ENOX1: variants seen among roughly 807,000 people sequenced by gnomAD.
ENOX1 encodes the protein ecto-NOX disulfide-thiol exchanger 1.
ENOX1 carries 42 observed loss-of-function variants against 82.5 expected under a neutral mutation model. The ratio of observed to expected loss-of-function variants is 0.51; its 90% CI spans 0.40 to 0.66. The LOEUF is 0.66. Ranked by LOEUF, ENOX1 falls within the 30% of genes least tolerant of loss-of-function variation. The probability of loss-of-function intolerance (pLI) is 0.00; values close to 1 mark genes in which losing one functional copy is unlikely to be tolerated. For missense variants in ENOX1, 608 were observed against 811.6 expected (o/e 0.75, Z 3.05); for synonymous variants, 271 against 282.2 (o/e 0.96, Z 0.40).
At chr13:43,700,890 A>C (rs964480476) in intron 1 of ENOX1, among the ~76,000 whole-genome samples, 1 of 152,166 alleles carries the variant, frequency 6.6e-6, no homozygotes, top group Admixed American at 6.5e-5. Flanking sequence ...CAACTCTTAT[A>C]AACTATCTCC....
intron 2 of ENOX1, among the ~76,000 whole-genome samples, chr13:43,624,648 T>A (rs970022670): frequency 2.0e-5 from 3 of 152,130 alleles, no homozygotes; most frequent in Non-Finnish European, 4.4e-5. Context: ...TTAAAGAGCA[T>A]CTTGTCTCTA....
chr13:43,631,709 T>C (rs1320018254), intron 2 of ENOX1, among the ~76,000 whole-genome samples: 2 of 152,206 alleles, frequency 1.3e-5, no homozygotes, highest in East Asian at 3.8e-4. Context: ...TTATTATTTT[T>C]TCTTTTATTC....
Position 43,339,288 on chromosome 13 carries a change from G to A in ENOX1, c.1036+5250C>T, listed in dbSNP as rs995661020. ...GGAACGGTGGCTGGAGAGCAATCTA[G>A]GCCAAACATTTGAGCCTATGGATCC... On this transcript the variant is annotated intron_variant, in intron 9 of 16. Coordinates refer to ENST00000690772, the MANE Select transcript of ENOX1 (RefSeq NM_001347969.2). Among the ~76,000 whole-genome samples the A allele has an allele frequency of 3.3e-5, 5 of 152,130 alleles. No homozygotes were observed. In the South Asian group the frequency reaches 8.3e-4, roughly 25 times the overall value.
intron 16 of ENOX1, among the ~76,000 whole-genome samples, chr13:43,216,883 C>G (rs1274812960): frequency 6.6e-6 from 1 of 152,230 alleles, no homozygotes; most frequent in Admixed American, 6.5e-5. Flanking sequence ...TGCCACCCAG[C>G]AGCCCTGCAG....
At chr13:43,437,329 A>G (rs1243412684) in intron 3 of ENOX1, among the ~76,000 whole-genome samples, 1 of 152,210 alleles carries the variant, frequency 6.6e-6, no homozygotes, top group East Asian at 1.9e-4. Flanking sequence ...ACCCAGAGCT[A>G]GCATCAGACA....
At chr13:43,446,974 T>C (rs2056682226) in intron 3 of ENOX1, among the ~76,000 whole-genome samples, 1 of 152,174 alleles carries the variant, frequency 6.6e-6, no homozygotes, top group African/African-American at 2.4e-5. Flanking sequence ...GTGGGGTAGC[T>C]CAAACAGAAT....
At chr13:43,546,845 T>C (rs1041696734) in intron 2 of ENOX1, 1 of 152,154 alleles carries the variant, frequency 6.6e-6, no homozygotes, top group African/African-American at 2.4e-5. Context: ...AACAGTACAA[T>C]TTAATCTAAA....
chr13:43,277,652 C>T (rs1444625), intron 12 of ENOX1, among the ~76,000 whole-genome samples: 10 of 152,004 alleles, frequency 6.6e-5, no homozygotes, highest in Admixed American at 3.9e-4. Flanking sequence ...TGTCTCCCAG[C>T]GCAGGGGTGA....
intron 7 of ENOX1, among the ~76,000 whole-genome samples, chr13:43,356,950 G>A (rs149761034): frequency 2.0e-4 from 30 of 152,098 alleles, no homozygotes; most frequent in African/African-American, 7.2e-4. Flanking sequence ...AAATGGGCCT[G>A]GAAATCTTTG....
intron 1 of ENOX1, among the ~76,000 whole-genome samples, chr13:43,763,319 G>C (rs959148101): frequency 6.6e-6 from 1 of 152,152 alleles, no homozygotes; most frequent in African/African-American, 2.4e-5. Context: ...CTCATAGATG[G>C]CTGTGTTCGT....
intron 2 of ENOX1, among the ~76,000 whole-genome samples, chr13:43,488,052 C>T (rs1262482305): frequency 6.6e-6 from 1 of 152,186 alleles, no homozygotes; most frequent in Non-Finnish European, 1.5e-5. Flanking sequence ...CCTTGCCAGA[C>T]CCATACAATA....
At position 43,440,869 on chromosome 13, in the gene ENOX1, C is replaced by T. The variant is rs536791294; in HGVS notation, c.-74-27881G>A. ...TGGCTAACTGGAGAAAACATTGTTT[C>T]AACTGATGTTATCAAACAGGTTTTG... is the stretch of plus-strand genomic sequence containing the variant. On this transcript the variant is annotated intron_variant, in intron 3 of 16. Coordinates refer to ENST00000690772, the MANE Select transcript of ENOX1 (RefSeq NM_001347969.2). Among the ~76,000 whole-genome samples, 4 of 152,262 alleles carry T rather than the reference C, an allele frequency of 2.6e-5. 1 individual carries two copies. The highest frequency in any genetic ancestry group is 2.1e-4 in the South Asian group (1 of 4,828).
intron 2 of ENOX1, among the ~76,000 whole-genome samples, chr13:43,620,052 A>G (rs1032073857): frequency 6.6e-6 from 1 of 152,118 alleles, no homozygotes; most frequent in African/African-American, 2.4e-5. Context: ...AGGTGTTCAC[A>G]GTAGCCTTGA....
At chr13:43,339,298 T>C (rs1026334886) in intron 9 of ENOX1, among the ~76,000 whole-genome samples, 2 of 152,230 alleles carry the variant, frequency 1.3e-5, no homozygotes, top group South Asian at 4.1e-4. Context: ...GGCCAAACAT[T>C]TGAGCCTATG....
intron 12 of ENOX1, among the ~76,000 whole-genome samples, chr13:43,297,335 T>C (rs1447355046): frequency 6.6e-6 from 1 of 152,186 alleles, no homozygotes; most frequent in Non-Finnish European, 1.5e-5. Context: ...GAGCAGTCAA[T>C]ATGGATGGGG....
intron 3 of ENOX1, among the ~76,000 whole-genome samples, chr13:43,421,324 A>T (rs1366580210): frequency 6.6e-6 from 1 of 152,232 alleles, no homozygotes; most frequent in Admixed American, 6.5e-5. Flanking sequence ...TGGCAATACA[A>T]CAGACAGTCC....
At chr13:43,372,154 A>AT (rs2051285796) in intron 5 of ENOX1, among the ~76,000 whole-genome samples, 1 of 152,216 alleles carries the variant, frequency 6.6e-6, no homozygotes, top group Non-Finnish European at 1.5e-5. Flanking sequence ...TTCATATATG[A>AT]TTCTAAGCAA....
intron 14 of ENOX1, among the ~76,000 whole-genome samples, chr13:43,237,651 A>C (rs2042614453): frequency 6.6e-6 from 1 of 152,208 alleles, no homozygotes; most frequent in South Asian, 2.1e-4. Flanking sequence ...GGTTTGAACA[A>C]ATGTGTTGAC....
intron 2 of ENOX1, among the ~76,000 whole-genome samples, chr13:43,654,456 G>T (rs75751229): frequency 0.011 from 1,703 of 152,246 alleles, 20 homozygotes; most frequent in African/African-American, 0.034. Flanking sequence ...TAGATAGACA[G>T]ATTCTGTCTA....
Sources: gnomAD v4.1 joint callset for allele counts (sites outside exome capture counted in the v4.1 genomes callset) on GRCh38, gnomAD v4.1.1 for gene constraint, MANE v1.5 for transcripts, NCBI Gene and HGNC (gene_info 2026-07-23, HGNC 2026-07-21) for gene names.